PSMD7: variants seen among roughly 807,000 people sequenced by gnomAD.
PSMD7 encodes the protein proteasome 26S subunit, non-ATPase 7.
In PSMD7, 13 loss-of-function variants were observed where a neutral mutation model predicts 36.4. That is an observed-to-expected ratio of 0.36 (90% CI 0.23 to 0.57). The LOEUF (loss-of-function observed/expected upper bound fraction) is 0.57. Ranked by LOEUF, PSMD7 falls within the 20% of genes least tolerant of loss-of-function variation. The probability of loss-of-function intolerance (pLI) is 0.83; values close to 1 mark genes in which losing one functional copy is unlikely to be tolerated. For synonymous variants in PSMD7, 186 were observed against 151.0 expected (o/e 1.23, Z -1.70); for missense variants, 298 against 393.6 (o/e 0.76, Z 2.06).
chr16:74,302,313 C>G lies in PSMD7; in HGVS notation c.438+21C>G, dbSNP rs370555992. ...ATGATGTAAGTCATCTTGCTATGAA[C>G]CTGGGAGGTTAGACTGCTACTTATT... On this transcript the variant is annotated intron_variant, in intron 5 of 6. Transcript: ENST00000219313. 9 of 1,602,800 alleles carry G rather than the reference C, an allele frequency of 5.6e-6. No homozygotes were observed. In the East Asian group the frequency reaches 1.8e-4, roughly 32 times the overall value.
At position 74,305,490 on chromosome 16, in the gene PSMD7, G is replaced by A. The variant is rs753847113; in HGVS notation, c.732G>A (p.Glu244=). 6.2e-7 allele frequency: 1 copy of A among 1,614,168 alleles called. No homozygotes were observed. Among genetic ancestry groups the A allele is most frequent in the Admixed American group, 1.7e-5 (1 of 60,020 alleles). ...TGCTGCCAGATGTCAGCCTGCAGGA[G>A]TTCGTCAAGGCCTTTTACCTGAAGA... ...FNLLPDVSLQ[E]FVKAFYLKTN... is the part of the protein sequence containing the mutation. Residue 244 remains glutamate (E), a synonymous_variant, in exon 7 of 7, where the codon GAG becomes GAA. Transcript: ENST00000219313.
In PSMD7 at chr16:74,305,431, C is replaced by T; in HGVS notation, c.673C>T (p.Gln225Ter). 1.9e-6 allele frequency: 3 copies of T among 1,614,200 alleles called. No individual in the cohort carries two copies. Among genetic ancestry groups the T allele is most frequent in the Non-Finnish European group, 1.7e-6 (2 of 1,180,038 alleles). Residue 225 changes from glutamine (Q) to a stop codon, truncating the protein, a stop_gained, in exon 7 of 7, where the codon CAG becomes TAG. Transcript: ENST00000219313. LOFTEE classifies it high-confidence loss of function. ...VATGKLPINH[Q>*]IIYQLQDVFN... The stretch of plus-strand genomic sequence containing the variant: ...CACAGGCAAGCTGCCCATCAACCAC[C>T]AGATCATCTACCAGCTGCAGGACGT...
At position 74,299,667 on chromosome 16, in the gene PSMD7, T is replaced by TA. The variant is rs1296600236; in HGVS notation, c.75-447dup. ...CCTCAGCCTCTCGAAGTGCTGGGAT[T>TA]ACAGGCATGAGCCACTGCATCCGGC... On this transcript the variant is annotated intron_variant, in intron 1 of 6. Transcript: ENST00000219313. The TA allele has an allele frequency of 1.4e-5, 6 of 419,138 alleles. No homozygotes were observed. The East Asian group carries it at 4.4e-4, about 31-fold the overall frequency. The allele number at this position is 419,138 out of a possible 1,614,324, so 26.0% of individuals were successfully genotyped here. A position where few individuals can be genotyped will look rare whatever the true frequency, so the allele number is the denominator to read the frequency against.
rs571391199 is a variant in PSMD7, at chr16:74,298,491, G to A, written c.74+1503G>A. Among the ~76,000 whole-genome samples, 6 of 152,334 alleles carry A rather than the reference G, an allele frequency of 3.9e-5. No individual in the cohort carries two copies. In the South Asian group the frequency reaches 1.2e-3, roughly 32 times the overall value. On this transcript the variant is annotated intron_variant, in intron 1 of 6. Transcript: ENST00000219313. The stretch of plus-strand genomic sequence containing the variant: ...CCTAGGATATGTTGGCTTTTCTACA[G>A]GAGAGGAATTACTATTTTTCTCCCA...
intron 1 of PSMD7, 116 bp downstream of exon 1, chr16:74,297,104 C>G: frequency 1.8e-6 from 2 of 1,123,736 alleles, no homozygotes; most frequent in Non-Finnish European, 2.6e-6. Flanking sequence ...CGGCTGGTGA[C>G]CCTTACTTGT....
intron 5 of PSMD7, 70 bp downstream of exon 5, chr16:74,302,362 A>G (rs578017338): frequency 8.7e-6 from 11 of 1,269,232 alleles, no homozygotes; most frequent in African/African-American, 1.5e-5. Context: ...TTTTTTTTCA[A>G]TTTTCAGGTC....
At chr16:74,298,312 C>A (rs989297150) in intron 1 of PSMD7, among the ~76,000 whole-genome samples, 1 of 152,096 alleles carries the variant, frequency 6.6e-6, no homozygotes, top group African/African-American at 2.4e-5. Flanking sequence ...ACCTGTTGCA[C>A]ATGTTTCTAA....
At chr16:74,300,940 T>A in intron 2 of PSMD7, 112 bp from the exon 3 acceptor site, 1 of 551,298 alleles carries the variant, frequency 1.8e-6, no homozygotes, top group Non-Finnish European at 3.1e-6. Flanking sequence ...AATACTTTGC[T>A]GGGCAAGTGA....
chr16:74,304,335 C>T lies in PSMD7; in HGVS notation c.471C>T (p.His157=), dbSNP rs374113475. 1.1e-4 allele frequency: 179 copies of T among 1,614,006 alleles called. No individual in the cohort carries two copies. Among genetic ancestry groups the T allele is most frequent in the Middle Eastern group, 1.6e-4 (1 of 6,084 alleles). The change falls in exon 6 of 7, where the codon CAC becomes CAT. Residue 157 remains histidine, a synonymous_variant. Transcript: ENST00000219313. ...CTCCAACCTCGAAAACATTTGAACA[C>T]GTGACCAGTGAAATTGGAGCAGAGG... is the stretch of plus-strand genomic sequence containing the variant. ...DGTPTSKTFE[H]VTSEIGAEEA... is the part of the protein sequence containing the mutation.
intron 1 of PSMD7, among the ~76,000 whole-genome samples, chr16:74,297,501 CAA>C (rs1364786777): frequency 1.3e-5 from 2 of 150,826 alleles, no homozygotes; most frequent in African/African-American, 4.9e-5. Context: ...GTGAATAATG[CAA>C]AGTGACTGAT....
chr16:74,299,142 A>G (rs1169003389), intron 1 of PSMD7, among the ~76,000 whole-genome samples: 2 of 152,178 alleles, frequency 1.3e-5, no homozygotes, highest in East Asian at 1.9e-4. Context: ...CAGTTAAACC[A>G]ATGTGAAACT....
chr16:74,298,545 G>C (rs141364665), intron 1 of PSMD7, among the ~76,000 whole-genome samples: 90 of 152,330 alleles, frequency 5.9e-4, no homozygotes, highest in Non-Finnish European at 7.9e-4. Flanking sequence ...CACTATTTCA[G>C]TGCTATTCAA....
chr16:74,305,701 G>A lies in PSMD7; in HGVS notation c.943G>A (p.Val315Ile), dbSNP rs1254447263. 2 of 1,462,268 alleles carry A rather than the reference G, an allele frequency of 1.4e-6. No individual in the cohort carries two copies. Among genetic ancestry groups the A allele is most frequent in the Non-Finnish European group, 1.8e-6 (2 of 1,101,912 alleles). 90.6% of individuals were successfully genotyped at this position (1,462,268 alleles called of 1,614,324 possible). A position where few individuals can be genotyped will look rare whatever the true frequency, so the allele number is the denominator to read the frequency against. The change falls in exon 7 of 7, where the codon GTA becomes ATA. Residue 315 changes from valine to isoleucine, a missense_variant. Coordinates refer to ENST00000219313, the MANE Select transcript of PSMD7 (RefSeq NM_002811.5). ...EKDKDKEKSD[V>I]KKEEKKEKK is the part of the protein sequence containing the mutation. ...AGATAAAGATAAGGAAAAGAGTGAT[G>A]TAAAGAAAGAGGAGAAAAAGGAGAA...
At position 74,300,183 on chromosome 16, in the gene PSMD7, T is replaced by G; in HGVS notation, c.143T>G (p.Leu48Arg). Residue 48 changes from leucine (L) to arginine (R), a missense_variant, in exon 2 of 7, where the codon CTT (leucine) becomes CGT (arginine). Transcript: ENST00000219313. ...TTGGGGTCATGGCAAAAGAAAGTAC[T>G]TGATGTATCGAACAGTTTTGCAGGT... The part of the protein sequence containing the change: ...VLLGSWQKKV[L>R]DVSNSFAVPF... 1 of 1,614,188 alleles carries G rather than the reference T, an allele frequency of 6.2e-7. No homozygotes were observed. Among genetic ancestry groups the G allele is most frequent in the Non-Finnish European group, 8.5e-7 (1 of 1,180,018 alleles).
rs774762059 is a variant in PSMD7, at chr16:74,297,020, C to T, written c.74+32C>T. The T allele has an allele frequency of 1.3e-5, 21 of 1,598,730 alleles. No homozygotes were observed. The South Asian group carries it at 1.8e-4, about 14-fold the overall frequency. The stretch of plus-strand genomic sequence containing the variant: ...GAGCGCCCTATAGCTGGGCCGGCGG[C>T]GCAGCCGCTGCTGAGTCACGGGCAC... On this transcript the variant is annotated intron_variant, in intron 1 of 6. Coordinates refer to ENST00000219313, the MANE Select transcript of PSMD7 (RefSeq NM_002811.5).
rs941954127 is a variant in PSMD7 at position 74,297,631 on chromosome 16, G to C, written c.74+643G>C. Among the ~76,000 whole-genome samples the C allele has an allele frequency of 3.3e-5, 5 of 152,120 alleles. No homozygotes were observed. The South Asian group carries it at 1.0e-3, about 32-fold the overall frequency. Reference sequence around the variant, plus strand: ...ACCGAAATATGGATGATGCTGGAGTGGGGTGCAGGGTGGCTACCTTCATTT... The same window carrying C: ...ACCGAAATATGGATGATGCTGGAGTCGGGTGCAGGGTGGCTACCTTCATTT... On this transcript the variant is annotated intron_variant, in intron 1 of 6. Transcript: ENST00000219313.
At chr16:74,303,077 C>T (rs528748933) in intron 5 of PSMD7, among the ~76,000 whole-genome samples, 40 of 152,228 alleles carry the variant, frequency 2.6e-4, no homozygotes, top group African/African-American at 9.6e-4. Context: ...TACACATGCA[C>T]CCCAGTGAAG....
Position 74,296,922 on chromosome 16 carries a change from A to G in PSMD7, c.8A>G (p.Glu3Gly). Residue 3 changes from glutamate to glycine, a missense_variant, in exon 1 of 7, where the codon GAG becomes GGG. Glu to Gly is a moderately conservative substitution (Grantham distance 98). Transcript: ENST00000219313. MP[E>G]LAVQKVVVHP... ...CGAGCGGGGTGTGTCGCGATGCCGG[A>G]GCTGGCAGTGCAGAAGGTGGTGGTC... 6.2e-7 allele frequency: 1 copy of G among 1,613,380 alleles called. No homozygotes were observed. Among genetic ancestry groups the G allele is most frequent in the Non-Finnish European group, 8.5e-7 (1 of 1,179,846 alleles).
chr16:74,300,540 G>A (rs2034147708), intron 2 of PSMD7: 1 of 337,416 alleles, frequency 3.0e-6, no homozygotes, highest in African/African-American at 2.1e-5. Context: ...GCACTAAACT[G>A]TTTAACCACG....
Sources: gnomAD v4.1 joint callset for allele counts (sites outside exome capture counted in the v4.1 genomes callset) on GRCh38, gnomAD v4.1.1 for gene constraint, MANE v1.5 for transcripts, NCBI Gene and HGNC (gene_info 2026-07-23, HGNC 2026-07-21) for gene names.